The following AGMO variants were observed in gnomAD, a reference collection of about 807,000 sequenced individuals.
AGMO encodes alkylglycerol monooxygenase.
Under a neutral mutation model 60.2 loss-of-function variants are expected in AGMO, and 75 were observed. That is an observed-to-expected ratio of 1.25 (90% CI 1.03 to 1.51). The LOEUF is 1.51. Among genes scored for constraint, AGMO ranks in the 40% most tolerant of loss-of-function variants. The pLI, the probability that AGMO is intolerant of heterozygous loss-of-function variation, is 0.00. For missense variants in AGMO, 763 were observed against 525.5 expected (o/e 1.45, Z -4.42); for synonymous variants, 261 against 177.1 (o/e 1.47, Z -3.76).
At chr7:15,154,707 T>C in the AGMO span, among the ~76,000 whole-genome samples, 8 of 152,338 alleles carry the variant, frequency 5.3e-5, no homozygotes, top group Non-Finnish European at 8.8e-5. Context: ...CGGTGAGCTA[T>C]GTACTAGGCC....
At chr7:15,130,806 T>G in the AGMO span, among the ~76,000 whole-genome samples, 1 of 152,156 alleles carries the variant, frequency 6.6e-6, no homozygotes, top group African/African-American at 2.4e-5. Context: ...CTGGCATTTA[T>G]GTGTGTGCTA....
At chr7:15,125,542 T>C in the AGMO span, among the ~76,000 whole-genome samples, 2 of 152,120 alleles carry the variant, frequency 1.3e-5, no homozygotes, top group South Asian at 2.1e-4. Context: ...TATTACTCTC[T>C]TCCTGTGGCA....
At chr7:15,389,448 A>C in intron 8 of AGMO, among the ~76,000 whole-genome samples, 1 of 152,206 alleles carries the variant, frequency 6.6e-6, no homozygotes, top group East Asian at 1.9e-4. Flanking sequence ...TATTCTCCTG[A>C]GGTGTATCAT....
intron 5 of AGMO, among the ~76,000 whole-genome samples, chr7:15,398,744 A>C (rs1401460501): frequency 6.6e-6 from 1 of 152,172 alleles, no homozygotes; most frequent in Non-Finnish European, 1.5e-5. Flanking sequence ...GTTTATTTAA[A>C]TTATCAAATT....
At position 15,530,310 on chromosome 7, in the gene AGMO, T is replaced by TAG. The variant is rs201371611; in HGVS notation, c.409+14461_409+14462insCT. 1.7e-3 allele frequency among the ~76,000 whole-genome samples: 22 copies of TAG among 13,162 alleles called. 10 individuals carry two copies. In the East Asian group the frequency reaches 0.3, roughly 177 times the overall value. The allele number at this position is 13,162 out of a possible 152,430, so 8.6% of individuals were successfully genotyped here. A position where few individuals can be genotyped will look rare whatever the true frequency, so the allele number is the denominator to read the frequency against. Reference sequence around the variant, plus strand: ...TATATTCTATATACGTATTTCCATATATATTCTATATACGTATTTCCATAT... The same window carrying TAG: ...TATATTCTATATACGTATTTCCATATAGATATTCTATATACGTATTTCCATAT... On this transcript the variant is annotated intron_variant, in intron 3 of 12. Transcript: ENST00000342526.
chr7:15,323,956 T>A (rs912549942), intron 12 of AGMO, among the ~76,000 whole-genome samples: 3 of 152,218 alleles, frequency 2.0e-5, no homozygotes, highest in African/African-American at 7.2e-5. Flanking sequence ...AACTCAAGCT[T>A]GCCGCAGACA....
the AGMO span, among the ~76,000 whole-genome samples, chr7:15,175,825 G>A: frequency 6.6e-6 from 1 of 151,820 alleles, no homozygotes; most frequent in African/African-American, 2.4e-5. Context: ...GGAATTCAAG[G>A]CTGAAGAAAA....
chr7:15,516,195 GT>G (rs1290639108), intron 3 of AGMO, among the ~76,000 whole-genome samples: 2 of 152,000 alleles, frequency 1.3e-5, no homozygotes, highest in African/African-American at 4.8e-5. Context: ...ACATCATAAT[GT>G]TTTAAATAAC....
chr7:15,263,235 GA>G (rs1049336292), intron 12 of AGMO, among the ~76,000 whole-genome samples: 7 of 150,992 alleles, frequency 4.6e-5, no homozygotes, highest in African/African-American at 1.2e-4. Flanking sequence ...ATCAGGAAGA[GA>G]AAAAAAATCC....
At chr7:15,280,739 G>C (rs965132220) in intron 12 of AGMO, among the ~76,000 whole-genome samples, 3 of 152,170 alleles carry the variant, frequency 2.0e-5, no homozygotes, top group Admixed American at 1.3e-4. Context: ...AAGAAAACTT[G>C]TATGTGACCT....
rs553117122 is a variant in AGMO at position 15,283,109 on chromosome 7, G to C, written c.1264-81750C>G. On this transcript the variant is annotated intron_variant, in intron 12 of 12. Transcript: ENST00000342526. ...AGTAGTTCTAAATGTTGAAACAAAA[G>C]TCCTATATGAAACATAATAGAACCT... is the stretch of plus-strand genomic sequence containing the variant. 2.0e-5 allele frequency among the ~76,000 whole-genome samples: 3 copies of C among 152,028 alleles called. 1 individual carries two copies. The South Asian group carries it at 6.2e-4, about 32-fold the overall frequency.
chr7:15,147,178 GA>G, the AGMO span, among the ~76,000 whole-genome samples: 1 of 152,086 alleles, frequency 6.6e-6, no homozygotes, highest in Non-Finnish European at 1.5e-5. Flanking sequence ...GAAGAAGTGG[GA>G]GGGGCAGTCA....
chr7:15,387,534 G>C lies in AGMO; in HGVS notation c.829C>G (p.His277Asp). The change falls in exon 9 of 13, where the codon CAC (histidine) becomes GAC (aspartate). Residue 277 changes from histidine to aspartate, a missense_variant. Coordinates refer to ENST00000342526, the MANE Select transcript of AGMO (RefSeq NM_001004320.2). ...AATGTAGTCCATATGGAAAATAAGTGATGGAACTAGAAACAATAAAAAAAG... is the reference window on the plus strand; with the variant it reads ...AATGTAGTCCATATGGAAAATAAGTCATGGAACTAGAAACAATAAAAAAAG... ...TFEPIKVQFH[H>D]LFSIWTTFWA... The C allele has an allele frequency of 6.2e-7, 1 of 1,604,916 alleles. No homozygotes were observed. Among genetic ancestry groups the C allele is most frequent in the African/African-American group, 1.4e-5 (1 of 70,584 alleles).
At chr7:15,352,646 G>A (rs1782291173) in intron 12 of AGMO, among the ~76,000 whole-genome samples, 1 of 151,782 alleles carries the variant, frequency 6.6e-6, no homozygotes, top group South Asian at 2.1e-4. Context: ...TTGATGGTAG[G>A]GAAACCAGCT....
At chr7:15,466,050 G>C (rs1290036873) in intron 3 of AGMO, among the ~76,000 whole-genome samples, 2 of 152,144 alleles carry the variant, frequency 1.3e-5, no homozygotes, top group East Asian at 1.9e-4. Flanking sequence ...GTGAATAAAA[G>C]GGACCAAAAT....
intron 12 of AGMO, among the ~76,000 whole-genome samples, chr7:15,313,517 G>A (rs1393436073): frequency 6.6e-6 from 1 of 152,178 alleles, no homozygotes; most frequent in African/African-American, 2.4e-5. Context: ...CAGCAGATGT[G>A]CTTATATTTT....
the AGMO span, among the ~76,000 whole-genome samples, chr7:15,157,631 C>T: frequency 2.0e-5 from 3 of 152,166 alleles, no homozygotes; most frequent in African/African-American, 7.2e-5. Flanking sequence ...CTCATCTTCC[C>T]TTTGTTTGTC....
chr7:15,299,045 C>G (rs938696245), intron 12 of AGMO, among the ~76,000 whole-genome samples: 2 of 152,096 alleles, frequency 1.3e-5, no homozygotes, highest in Non-Finnish European at 2.9e-5. Flanking sequence ...AGTGTTACCT[C>G]TTTTTGAAAT....
At chr7:15,264,924 C>T (rs918929260) in intron 12 of AGMO, among the ~76,000 whole-genome samples, 1 of 151,986 alleles carries the variant, frequency 6.6e-6, no homozygotes, top group African/African-American at 2.4e-5. Context: ...AGCAATCACA[C>T]TACTAGATAT....
Sources: gnomAD v4.1 joint callset for allele counts (sites outside exome capture counted in the v4.1 genomes callset) on GRCh38, gnomAD v4.1.1 for gene constraint, MANE v1.5 for transcripts, NCBI Gene and HGNC (gene_info 2026-07-23, HGNC 2026-07-21) for gene names.